The following GPD2 variants were observed in gnomAD, a reference collection of about 807,000 sequenced individuals.
GPD2 encodes glycerol-3-phosphate dehydrogenase, mitochondrial.
A neutral mutation model predicts 82.4 loss-of-function variants in GPD2; 54 were observed. The ratio of observed to expected loss-of-function variants is 0.66; its 90% confidence interval spans 0.53 to 0.82. The LOEUF is 0.82. Among genes scored for constraint, GPD2 ranks in the 40% least tolerant of loss-of-function variants. GPD2 has a pLI of 0.00. For synonymous variants in GPD2, 288 were observed against 306.1 expected (o/e 0.94, Z 0.62); for missense variants, 748 against 896.2 (o/e 0.83, Z 2.11).
In GPD2 at chr2:156,539,370, A is replaced by C. The variant is rs376699453; in HGVS notation, c.662-10238A>C. 3.8e-4 allele frequency among the ~76,000 whole-genome samples: 58 copies of C among 152,262 alleles called. No individual in the cohort carries two copies. The East Asian group carries it at 0.01, about 27-fold the overall frequency. On this transcript the variant is annotated intron_variant, in intron 6 of 16. Coordinates refer to ENST00000438166, the MANE Select transcript of GPD2 (RefSeq NM_000408.5). The stretch of plus-strand genomic sequence containing the variant: ...GGCTGGTTGGGTCCTGAACTCACAC[A>C]TTCGGAGTCTCCAGCATCAGTGCTC...
At chr2:156,543,502 C>T (rs1017734524) in intron 6 of GPD2, among the ~76,000 whole-genome samples, 1 of 152,244 alleles carries the variant, frequency 6.6e-6, no homozygotes. Context: ...TGGTACATTA[C>T]AAGTGATCAA....
intron 9 of GPD2, among the ~76,000 whole-genome samples, chr2:156,566,303 A>G (rs1249522139): frequency 1.3e-5 from 2 of 152,088 alleles, no homozygotes; most frequent in Non-Finnish European, 2.9e-5. Flanking sequence ...TCATGCAACC[A>G]TCACCACCTT....
chr2:156,499,138 G>A (rs757106694), intron 3 of GPD2, among the ~76,000 whole-genome samples: 7 of 152,120 alleles, frequency 4.6e-5, no homozygotes, highest in Non-Finnish European at 1.0e-4. Context: ...AAACAAATAC[G>A]AGGTGAGATG....
chr2:156,443,729 G>C (rs1022203873), intron 1 of GPD2, among the ~76,000 whole-genome samples: 1 of 152,094 alleles, frequency 6.6e-6, no homozygotes, highest in Admixed American at 6.6e-5. Flanking sequence ...TACAAATAAG[G>C]AGGCCACTTA....
chr2:156,550,113 A>G (rs187808609), intron 7 of GPD2, among the ~76,000 whole-genome samples: 1 of 152,354 alleles, frequency 6.6e-6, no homozygotes, highest in Admixed American at 6.5e-5. Flanking sequence ...CATTTGGGTG[A>G]CACAGGCATT....
chr2:156,511,101 T>C (rs187196741), intron 4 of GPD2, among the ~76,000 whole-genome samples, 181 bp downstream of exon 4: 1 of 152,374 alleles, frequency 6.6e-6, no homozygotes, highest in East Asian at 1.9e-4. Context: ...TGTAGTATTA[T>C]GTTTATGGGT....
At chr2:156,454,126 G>A (rs966090457) in intron 1 of GPD2, among the ~76,000 whole-genome samples, 1 of 152,156 alleles carries the variant, frequency 6.6e-6, no homozygotes, top group Non-Finnish European at 1.5e-5. Context: ...TAGGTTAGGG[G>A]ATCTTGGGGT....
intron 6 of GPD2, among the ~76,000 whole-genome samples, chr2:156,544,390 T>C (rs938261498): frequency 3.9e-5 from 6 of 152,144 alleles, no homozygotes; most frequent in African/African-American, 1.4e-4. Flanking sequence ...GCCAAAACAA[T>C]TTCACATGGG....
chr2:156,568,011 A>C (rs1687453419), intron 9 of GPD2, among the ~76,000 whole-genome samples: 1 of 152,140 alleles, frequency 6.6e-6, no homozygotes, highest in Admixed American at 6.6e-5. Context: ...TTTCTGTGTC[A>C]GTGCTAAAAA....
chr2:156,405,472 C>G, the GPD2 span, among the ~76,000 whole-genome samples: 1 of 152,116 alleles, frequency 6.6e-6, no homozygotes, highest in Non-Finnish European at 1.5e-5. Context: ...TAGGGAATGA[C>G]AAGAATTGAG....
chr2:156,477,528 T>C (rs1683556440), intron 2 of GPD2, among the ~76,000 whole-genome samples: 1 of 152,232 alleles, frequency 6.6e-6, no homozygotes, highest in Non-Finnish European at 1.5e-5. Context: ...TTTTATGTGA[T>C]TCTTGCTAAA....
intron 6 of GPD2, among the ~76,000 whole-genome samples, chr2:156,526,129 CCAA>C (rs1553473402): frequency 2.6e-5 from 4 of 152,060 alleles, no homozygotes; most frequent in Non-Finnish European, 5.9e-5. Context: ...AAAGCAGGGA[CCAA>C]CTTTTATGGA....
At chr2:156,445,081 T>C (rs371532839) in intron 1 of GPD2, among the ~76,000 whole-genome samples, 1 of 152,206 alleles carries the variant, frequency 6.6e-6, no homozygotes, top group African/African-American at 2.4e-5. Flanking sequence ...GGAAGGAGTT[T>C]AGCAATTTAA....
intron 1 of GPD2, among the ~76,000 whole-genome samples, chr2:156,450,687 C>CTTA (rs1382838048): frequency 2.2e-5 from 2 of 91,054 alleles, no homozygotes; most frequent in Admixed American, 1.3e-4. Flanking sequence ...TTTTTTATTG[C>CTTA]TCATTCTTGG....
At chr2:156,449,347 T>C (rs1416772723) in intron 1 of GPD2, among the ~76,000 whole-genome samples, 1 of 152,152 alleles carries the variant, frequency 6.6e-6, no homozygotes, top group Non-Finnish European at 1.5e-5. Context: ...CAAGAGAAAC[T>C]GTGTGGTTTT....
At chr2:156,549,389 T>A (rs549260394) in intron 6 of GPD2, among the ~76,000 whole-genome samples, 1 of 152,310 alleles carries the variant, frequency 6.6e-6, no homozygotes, top group East Asian at 1.9e-4. Context: ...ATTTTCACTA[T>A]TTTTATGGTA....
intron 1 of GPD2, among the ~76,000 whole-genome samples, chr2:156,451,121 C>T (rs945956891): frequency 1.3e-5 from 2 of 150,116 alleles, no homozygotes; most frequent in African/African-American, 2.4e-5. Context: ...CCTTTCCCCC[C>T]GTTCTATTCC....
chr2:156,457,600 C>T (rs895264126), intron 1 of GPD2, among the ~76,000 whole-genome samples: 3 of 152,192 alleles, frequency 2.0e-5, no homozygotes, highest in African/African-American at 7.2e-5. Flanking sequence ...GGCCGCCTGC[C>T]TGTGTCTTTT....
upstream of GPD2, among the ~76,000 whole-genome samples, chr2:156,432,589 CA>C (rs1342215832): frequency 2.4e-4 from 37 of 152,164 alleles, no homozygotes; most frequent in African/African-American, 8.9e-4. Context: ...CATGTTGCTA[CA>C]AAGTGATTTT....
Sources: gnomAD v4.1 joint callset for allele counts (sites outside exome capture counted in the v4.1 genomes callset) on GRCh38, gnomAD v4.1.1 for gene constraint, MANE v1.5 for transcripts, NCBI Gene and HGNC (gene_info 2026-07-23, HGNC 2026-07-21) for gene names.